Variants in TMEM178B observed in about 807,000 individuals in gnomAD.
The protein encoded by TMEM178B is transmembrane protein 178B.
Under a neutral mutation model 31.0 loss-of-function variants are expected in TMEM178B, and 5 were observed. That is an observed-to-expected ratio of 0.16 (90% CI 0.08 to 0.34). The LOEUF (loss-of-function observed/expected upper bound fraction) is 0.34. Among genes scored for constraint, TMEM178B ranks in the 10% least tolerant of loss-of-function variants. The probability of loss-of-function intolerance (pLI) is 1.00; values close to 1 mark genes in which losing one functional copy is unlikely to be tolerated. For synonymous variants in TMEM178B, 164 were observed against 164.0 expected, an observed-to-expected ratio of 1.00 and a Z score of 0.00; for missense variants, 275 against 400.3, an observed-to-expected ratio of 0.69 and a Z score of 2.67.
chr7:141,160,553 T>C (rs1039946674), intron 1 of TMEM178B, among the ~76,000 whole-genome samples: 6 of 152,200 alleles, frequency 3.9e-5, no homozygotes, highest in Non-Finnish European at 5.9e-5. Flanking sequence ...CCTAACCTGC[T>C]GTCTGACTGT....
At chr7:141,180,838 G>A (rs74669851) in intron 1 of TMEM178B, among the ~76,000 whole-genome samples, 256 of 152,268 alleles carry the variant, frequency 1.7e-3, no homozygotes, top group East Asian at 6.8e-3. Context: ...AATGAGAAAT[G>A]TAATCAGATA....
intron 2 of TMEM178B, among the ~76,000 whole-genome samples, chr7:141,321,691 A>G (rs1799101358): frequency 6.6e-6 from 1 of 152,176 alleles, no homozygotes; most frequent in African/African-American, 2.4e-5. Context: ...CATAATTGCC[A>G]TATGACAAAC....
At chr7:141,484,718 C>T (rs940418701), downstream of TMEM178B, among the ~76,000 whole-genome samples, 9 of 152,046 alleles carry the variant, frequency 5.9e-5, no homozygotes, top group African/African-American at 2.2e-4. The surrounding 1 kb of genome is among the most constrained non-coding windows in gnomAD (Gnocchi z 4.8). Context: ...CACACCACTA[C>T]GCCTGGCTAA....
chr7:141,307,167 A>G (rs1798828277), intron 2 of TMEM178B, among the ~76,000 whole-genome samples: 1 of 81,020 alleles, frequency 1.2e-5, no homozygotes, highest in African/African-American at 7.5e-5. Context: ...TGTTGGTACC[A>G]TTTTTATATC....
chr7:141,087,229 A>G (rs569180396), intron 1 of TMEM178B, among the ~76,000 whole-genome samples: 1 of 152,326 alleles, frequency 6.6e-6, no homozygotes, highest in South Asian at 2.1e-4. Flanking sequence ...TTTAGAAAAA[A>G]GGGGAATCAG....
chr7:141,130,377 C>T (rs1332640141), intron 1 of TMEM178B, among the ~76,000 whole-genome samples: 1 of 152,090 alleles, frequency 6.6e-6, no homozygotes, highest in East Asian at 1.9e-4. Flanking sequence ...GGAATTTGGG[C>T]AAGATAAGAA....
At chr7:141,099,632 T>C (rs1349382207) in intron 1 of TMEM178B, among the ~76,000 whole-genome samples, 17 of 152,234 alleles carry the variant, frequency 1.1e-4, no homozygotes, top group Non-Finnish European at 4.4e-5. Context: ...TGCACTATTA[T>C]AGATCTATAG....
chr7:141,438,696 T>TAAAAAAAAAAAAAAAAAAAAAAAA (rs869132131), intron 3 of TMEM178B, among the ~76,000 whole-genome samples: 5 of 29,004 alleles, frequency 1.7e-4, no homozygotes, highest in Non-Finnish European at 3.1e-4. Flanking sequence ...CCGTCTCTAC[T>TAAAAAAAAAAAAAAAAAAAAAAAA]AAAAAAAAAA....
At chr7:141,435,745 G>A (rs1801523954) in intron 2 of TMEM178B, among the ~76,000 whole-genome samples, 1 of 152,242 alleles carries the variant, frequency 6.6e-6, no homozygotes, top group Non-Finnish European at 1.5e-5. Context: ...GGTAATATGA[G>A]CAGGGGGTGC....
chr7:141,258,568 A>G (rs932932594), intron 2 of TMEM178B, among the ~76,000 whole-genome samples: 55 of 152,172 alleles, frequency 3.6e-4, no homozygotes, highest in African/African-American at 1.3e-3. Flanking sequence ...CTTCATGTGG[A>G]TTCACGTTAC....
At chr7:141,393,107 T>C (rs1306594351) in intron 2 of TMEM178B, among the ~76,000 whole-genome samples, 2 of 152,152 alleles carry the variant, frequency 1.3e-5, no homozygotes, top group African/African-American at 2.4e-5. Context: ...ACTCATTTTC[T>C]TCTGCGGGGC....
In TMEM178B at chr7:141,474,133, G is replaced by A. The variant is rs1802311811; in HGVS notation, c.*3347G>A. 6.6e-6 allele frequency: 1 copy of A among 152,194 alleles called. No individual in the cohort carries two copies. The highest frequency in any genetic ancestry group is 1.5e-5 in the Non-Finnish European group (1 of 68,056). The allele number at this position is 152,194 out of a possible 1,614,324, so 9.4% of individuals were successfully genotyped here. On this transcript the variant is annotated 3_prime_UTR_variant, in exon 4 of 4. Coordinates refer to ENST00000565468, the MANE Select transcript of TMEM178B (RefSeq NM_001195278.2). The stretch of plus-strand genomic sequence containing the variant: ...TGTATGTGCTTTGAGCTCCATGCAA[G>A]TCAACCTTGAGCCTGGGGCCCATTG...
intron 2 of TMEM178B, among the ~76,000 whole-genome samples, chr7:141,268,613 G>C (rs959844124): frequency 6.6e-6 from 1 of 152,232 alleles, no homozygotes; most frequent in Non-Finnish European, 1.5e-5. Flanking sequence ...TGCCCAAACT[G>C]TTGCACCCAG....
intron 1 of TMEM178B, among the ~76,000 whole-genome samples, chr7:141,090,137 A>G (rs1251414439): frequency 1.3e-5 from 2 of 152,162 alleles, no homozygotes; most frequent in Admixed American, 6.5e-5. Context: ...TCTTGTTCCT[A>G]TCATGAATAT....
At chr7:141,470,399 T>C (rs1802217352) in intron 3 of TMEM178B, 137 bp from the exon 4 acceptor site, 2 of 841,348 alleles carry the variant, frequency 2.4e-6, no homozygotes, top group Admixed American at 3.3e-5. Context: ...GATAACCTGC[T>C]CTTACCTAGA....
At chr7:141,293,793 C>T (rs1055354048) in intron 2 of TMEM178B, among the ~76,000 whole-genome samples, 12 of 152,108 alleles carry the variant, frequency 7.9e-5, no homozygotes, top group Non-Finnish European at 1.0e-4. Flanking sequence ...GTCAGGTTTA[C>T]GAACCTGTAA....
At chr7:141,316,142 A>G (rs1236515240) in intron 2 of TMEM178B, among the ~76,000 whole-genome samples, 1 of 152,154 alleles carries the variant, frequency 6.6e-6, no homozygotes, top group African/African-American at 2.4e-5. Flanking sequence ...CAGCTGCTAA[A>G]CGGGATTCAG....
chr7:141,423,101 G>A (rs569763553), intron 2 of TMEM178B, among the ~76,000 whole-genome samples: 69 of 152,196 alleles, frequency 4.5e-4, no homozygotes, highest in Non-Finnish European at 8.1e-4. Flanking sequence ...GTGCAGTGGC[G>A]TGATCTCGGC....
intron 1 of TMEM178B, among the ~76,000 whole-genome samples, chr7:141,208,620 G>C (rs1391845939): frequency 6.6e-6 from 1 of 152,228 alleles, no homozygotes; most frequent in Non-Finnish European, 1.5e-5. Context: ...CCTGAAGCGG[G>C]GCTGTGGTGG....
Sources: allele counts gnomAD v4.1 joint callset (sites outside exome capture counted in the v4.1 genomes callset), GRCh38; gene constraint gnomAD v4.1.1; non-coding constraint Gnocchi (gnomAD v3.1); transcripts MANE v1.5; gene names NCBI Gene and HGNC (gene_info 2026-07-23, HGNC 2026-07-21).